TRAF2: variants seen among roughly 807,000 people sequenced by gnomAD.
TRAF2 encodes TNF receptor associated factor 2.
In TRAF2, 6 loss-of-function variants were observed where a neutral mutation model predicts 55.6. The observed-to-expected ratio is 0.11, with a 90% CI of 0.06 to 0.21. The LOEUF (loss-of-function observed/expected upper bound fraction) is 0.21, where lower values mean the gene tolerates loss of function less well. Ranked by LOEUF, TRAF2 falls within the 10% of genes least tolerant of loss-of-function variation. The pLI, the probability that TRAF2 is intolerant of heterozygous loss-of-function variation, is 1.00. For synonymous variants in TRAF2, 329 were observed against 276.3 expected (o/e 1.19, Z -1.89); for missense variants, 561 against 684.5 (o/e 0.82, Z 2.01).
chr9:136,895,080 C>T (rs1441964507), intron 1 of TRAF2, among the ~76,000 whole-genome samples: 1 of 152,164 alleles, frequency 6.6e-6, no homozygotes, highest in African/African-American at 2.4e-5. Context: ...TCTGGCACAG[C>T]AACCGGGGCA....
intron 4 of TRAF2, among the ~76,000 whole-genome samples, 189 bp from the exon 5 acceptor site, chr9:136,907,881 A>G (rs1849992896): frequency 6.6e-6 from 1 of 151,768 alleles, no homozygotes; most frequent in African/African-American, 2.4e-5. Context: ...GGAGACGAGG[A>G]CACACTGATC....
chr9:136,916,801 C>T (rs1850253058), intron 7 of TRAF2, 186 bp downstream of exon 7: 2 of 609,978 alleles, frequency 3.3e-6, no homozygotes, highest in South Asian at 1.8e-5. Flanking sequence ...CTGTCCACTC[C>T]CTCCTGGTGG....
At chr9:136,885,637 G>A (rs1849430377), upstream of TRAF2, among the ~76,000 whole-genome samples, 1 of 152,120 alleles carries the variant, frequency 6.6e-6, no homozygotes, top group Non-Finnish European at 1.5e-5. Flanking sequence ...GCGTGATGGC[G>A]GGCGCCTGTA....
At chr9:136,905,431 G>T (rs1446387169) in intron 4 of TRAF2, among the ~76,000 whole-genome samples, 2 of 152,202 alleles carry the variant, frequency 1.3e-5, no homozygotes, top group African/African-American at 2.4e-5. Context: ...TGGTGCTGGG[G>T]GCTGGAGCAG....
At chr9:136,910,740 T>C (rs764458321) in intron 6 of TRAF2, among the ~76,000 whole-genome samples, 1 of 152,142 alleles carries the variant, frequency 6.6e-6, no homozygotes, top group Non-Finnish European at 1.5e-5. Context: ...GCCTGACAGG[T>C]GTGTGCCTGT....
chr9:136,917,514 C>T (rs938185489), intron 7 of TRAF2, among the ~76,000 whole-genome samples: 3 of 152,214 alleles, frequency 2.0e-5, no homozygotes, highest in African/African-American at 4.8e-5. Flanking sequence ...TCAGGACCCT[C>T]GAGGAGTACT....
rs190026480 is a variant in TRAF2, at chr9:136,901,620, G to C, written c.366+1100G>C. ...CAGGGGTCATTGTTCAGTGAGTACC[G>C]AGTCATACATTGGAATGAGGCAGTA... On this transcript the variant is annotated intron_variant, in intron 4 of 10. Coordinates refer to ENST00000247668, the MANE Select transcript of TRAF2 (RefSeq NM_021138.4). Among the ~76,000 whole-genome samples the C allele has an allele frequency of 2.3e-3, 356 of 152,266 alleles. 2 individuals are homozygous for C. The highest frequency in any genetic ancestry group is 8.2e-3 in the African/African-American group (342 of 41,534).
intron 6 of TRAF2, among the ~76,000 whole-genome samples, chr9:136,911,050 C>T (rs990201551): frequency 2.0e-5 from 3 of 152,208 alleles, no homozygotes; most frequent in Non-Finnish European, 2.9e-5. Flanking sequence ...CGAGAGGTGC[C>T]CTCTGCGTGT....
intron 1 of TRAF2, among the ~76,000 whole-genome samples, chr9:136,888,450 C>T (rs1201720091): frequency 6.6e-6 from 1 of 152,064 alleles, no homozygotes; most frequent in African/African-American, 2.4e-5. Context: ...CGGGTGCCAC[C>T]CAGTGAACTC....
chr9:136,900,634 C>T (rs1470985235), intron 4 of TRAF2, 114 bp downstream of exon 4: 3 of 836,434 alleles, frequency 3.6e-6, no homozygotes, highest in Middle Eastern at 2.2e-4. Flanking sequence ...GGGCTGAAGC[C>T]TGTCTGATGT....
At chr9:136,888,720 A>G (rs1041286660) in intron 1 of TRAF2, among the ~76,000 whole-genome samples, 6 of 152,208 alleles carry the variant, frequency 3.9e-5, no homozygotes, top group African/African-American at 4.8e-5. Flanking sequence ...CACCGATGCC[A>G]CCAAACCATG....
chr9:136,894,812 C>T (rs2131282590), intron 1 of TRAF2, among the ~76,000 whole-genome samples: 1 of 152,258 alleles, frequency 6.6e-6, no homozygotes, highest in Non-Finnish European at 1.5e-5. Context: ...AAGGAATGGG[C>T]TCAGAAAGCA....
At position 136,920,284 on chromosome 9, in the gene TRAF2, C is replaced by T; in HGVS notation, c.729C>T (p.His243=). The change falls in exon 8 of 11, where the codon CAC becomes CAT. Residue 243 remains histidine (H), a synonymous_variant. Coordinates refer to ENST00000247668, the MANE Select transcript of TRAF2 (RefSeq NM_021138.4). Reference sequence around the variant, plus strand: ...ACGAGGTGCAGTGGCTGCGGGAGCACCTGGCCATGCTACTGAGCTCGGTGC... The same window carrying T: ...ACGAGGTGCAGTGGCTGCGGGAGCATCTGGCCATGCTACTGAGCTCGGTGC... ...QEHEVQWLRE[H]LAMLLSSVLE... is the part of the protein sequence containing the mutation. The T allele has an allele frequency of 6.2e-7, 1 of 1,613,596 alleles. No homozygotes were observed. The highest frequency in any genetic ancestry group is 8.5e-7 in the Non-Finnish European group (1 of 1,179,988).
At chr9:136,924,548 C>G (rs1193456291) in intron 10 of TRAF2, among the ~76,000 whole-genome samples, 1 of 151,868 alleles carries the variant, frequency 6.6e-6, no homozygotes, top group Admixed American at 6.6e-5. Context: ...GGCAACAGAG[C>G]AAGAGGGGGC....
In TRAF2 at chr9:136,908,871, G is replaced by GGA. The variant is rs763635297; in HGVS notation, c.528+640_528+641insGA. Among the ~76,000 whole-genome samples, 16 of 84,456 alleles carry GGA rather than the reference G, an allele frequency of 1.9e-4. No individual in the cohort carries two copies. The South Asian group carries it at 1.9e-3, about 10-fold the overall frequency. The allele number at this position is 84,456 out of a possible 152,430, so 55.4% of individuals were successfully genotyped here. On this transcript the variant is annotated intron_variant, in intron 5 of 10. Coordinates refer to ENST00000247668, the MANE Select transcript of TRAF2 (RefSeq NM_021138.4). ...GGCGACAGAGCGAGATTCCGTCTCG[G>GGA]AAAAAAAAAAAAAAAAAAAAGCCAG...
chr9:136,885,932 CA>C (rs1167423209), upstream of TRAF2: 3 of 152,386 alleles, frequency 2.0e-5, no homozygotes, highest in Middle Eastern at 3.4e-3. Context: ...TCCTGTTTCT[CA>C]TAAATGTTAC....
chr9:136,899,685 T>C lies in TRAF2; in HGVS notation c.267+13T>C. 1 of 1,609,406 alleles carries C rather than the reference T, an allele frequency of 6.2e-7. No individual in the cohort carries two copies. Among genetic ancestry groups the C allele is most frequent in the Non-Finnish European group, 8.5e-7 (1 of 1,176,696 alleles). ...AGAAAGCAGTTCGGTAAGTAAAATG[T>C]CTTGAAGCTAAAAATGTTGAACAGA... On this transcript the variant is annotated intron_variant, in intron 3 of 10. Coordinates refer to ENST00000247668, the MANE Select transcript of TRAF2 (RefSeq NM_021138.4).
At chr9:136,882,862 C>G (rs1727603239), upstream of TRAF2, 1 of 423,544 alleles carries the variant, frequency 2.4e-6, no homozygotes, top group Non-Finnish European at 3.2e-6. Flanking sequence ...CTATGCCTTA[C>G]AGGCCTGTCA....
chr9:136,889,308 A>C (rs1849526457), intron 1 of TRAF2, among the ~76,000 whole-genome samples: 1 of 136,958 alleles, frequency 7.3e-6, no homozygotes. Context: ...TTTGAGACAG[A>C]GTTTCGCTCT....
Sources: allele counts gnomAD v4.1 joint callset (sites outside exome capture counted in the v4.1 genomes callset), GRCh38; gene constraint gnomAD v4.1.1; transcripts MANE v1.5; gene names NCBI Gene and HGNC (gene_info 2026-07-23, HGNC 2026-07-21).